The following ENPP1 variants were observed in gnomAD, a reference collection of about 807,000 sequenced individuals.
ENPP1 encodes the protein ectonucleotide pyrophosphatase/phosphodiesterase family member 1.
ENPP1 carries 73 observed loss-of-function variants against 122.8 expected under a neutral mutation model. The ratio of observed to expected loss-of-function variants is 0.59; its 90% CI spans 0.49 to 0.72. The LOEUF (loss-of-function observed/expected upper bound fraction) is 0.72. Among genes scored for constraint, ENPP1 ranks in the 30% least tolerant of loss-of-function variants. The probability of loss-of-function intolerance (pLI) is 0.00; values close to 1 mark genes in which losing one functional copy is unlikely to be tolerated. For synonymous variants in ENPP1, 367 were observed against 391.6 expected (o/e 0.94, Z 0.74); for missense variants, 978 against 1,128.1 (o/e 0.87, Z 1.91).
intron 13 of ENPP1, 119 bp downstream of exon 13, chr6:131,869,608 C>T (rs888359241): frequency 1.1e-6 from 1 of 948,188 alleles, no homozygotes; most frequent in Non-Finnish European, 1.7e-6. Flanking sequence ...GTGGGTGGAT[C>T]ACCTGAGGTC....
At chr6:131,881,611 C>T (rs1283877359) in intron 20 of ENPP1, among the ~76,000 whole-genome samples, 3 of 152,106 alleles carry the variant, frequency 2.0e-5, no homozygotes, top group African/African-American at 4.8e-5. Context: ...TTGACCAGCG[C>T]GGTGGCTCAC....
Position 131,808,286 on chromosome 6 carries a change from G to T in ENPP1, c.240+11G>T, listed in dbSNP as rs1355593518. On this transcript the variant is annotated intron_variant, in intron 1 of 24. Coordinates refer to ENST00000647893, the MANE Select transcript of ENPP1 (RefSeq NM_006208.3). ...AAAGTACTCTCGCTGGTAGGTCCGCGGCCAGGCCCCGGCGCCCGGGAGGGC... is the reference window on the plus strand; with the variant it reads ...AAAGTACTCTCGCTGGTAGGTCCGCTGCCAGGCCCCGGCGCCCGGGAGGGC... 1.3e-6 allele frequency: 2 copies of T among 1,487,966 alleles called. No homozygotes were observed. Among genetic ancestry groups the T allele is most frequent in the African/African-American group, 1.4e-5 (1 of 69,456 alleles). 92.2% of individuals were successfully genotyped at this position (1,487,966 alleles called of 1,614,324 possible).
In ENPP1 at chr6:131,891,672, G is replaced by A. The variant is rs1768052735; in HGVS notation, c.*1161G>A. On this transcript the variant is annotated 3_prime_UTR_variant, in exon 25 of 25. Coordinates refer to ENST00000647893, the MANE Select transcript of ENPP1 (RefSeq NM_006208.3). Reference sequence around the variant, plus strand: ...GTCCTTCGTGTGACCATTCTTCAACGGCCTAAGGGCCAGCTGCAAAGACTT... The same window carrying A: ...GTCCTTCGTGTGACCATTCTTCAACAGCCTAAGGGCCAGCTGCAAAGACTT... 6.6e-6 allele frequency: 1 copy of A among 151,694 alleles called. No homozygotes were observed. Among genetic ancestry groups the A allele is most frequent in the African/African-American group, 2.4e-5 (1 of 41,254 alleles). The allele number at this position is 151,694 out of a possible 1,614,324, so 9.4% of individuals were successfully genotyped here. A position where few individuals can be genotyped will look rare whatever the true frequency, so the allele number is the denominator to read the frequency against.
chr6:131,891,689 C>T lies in ENPP1; in HGVS notation c.*1178C>T, dbSNP rs1011555934. ...TCTTCAACGGCCTAAGGGCCAGCTG[C>T]AAAGACTTTTGGAAAATACAATTTA... On this transcript the variant is annotated 3_prime_UTR_variant, in exon 25 of 25. Transcript: ENST00000647893. 1 of 150,528 alleles carries T rather than the reference C, an allele frequency of 6.6e-6. No homozygotes were observed. The highest frequency in any genetic ancestry group is 1.5e-5 in the Non-Finnish European group (1 of 67,840). 9.3% of individuals were successfully genotyped at this position (150,528 alleles called of 1,614,324 possible).
chr6:131,842,121 G>C (rs1781747827), intron 1 of ENPP1, among the ~76,000 whole-genome samples: 1 of 152,162 alleles, frequency 6.6e-6, no homozygotes, highest in South Asian at 2.1e-4. Context: ...TCCTTGGCAA[G>C]TTACTAACCT....
chr6:131,814,017 G>T (rs1421292479), intron 1 of ENPP1, among the ~76,000 whole-genome samples: 1 of 152,172 alleles, frequency 6.6e-6, no homozygotes, highest in Non-Finnish European at 1.5e-5. Flanking sequence ...GCCAGGGAAG[G>T]TTAAAGCTTT....
At chr6:131,877,706 G>T (rs1292491492) in intron 18 of ENPP1, 8 of 151,848 alleles carry the variant, frequency 5.3e-5, no homozygotes, top group Non-Finnish European at 1.2e-4. Context: ...TAACATCCAT[G>T]AGGGCACCTG....
chr6:131,823,772 G>C (rs1781509772), intron 1 of ENPP1, among the ~76,000 whole-genome samples: 1 of 152,014 alleles, frequency 6.6e-6, no homozygotes, highest in South Asian at 2.1e-4. Flanking sequence ...CCAGACCCTG[G>C]AGCCAGAGTG....
chr6:131,852,113 C>A, intron 4 of ENPP1, 62 bp from the exon 5 acceptor site: 1 of 1,084,798 alleles, frequency 9.2e-7, no homozygotes, highest in Non-Finnish European at 1.4e-6. Flanking sequence ...ATGTGTCTCA[C>A]AAGCATCACA....
chr6:131,827,894 C>T (rs539398459), intron 1 of ENPP1: 61 of 1,391,372 alleles, frequency 4.4e-5, no homozygotes, highest in African/African-American at 1.1e-4. Flanking sequence ...ACTGACTGCT[C>T]GGCCACTGTT....
At chr6:131,865,602 C>T (rs1413003130) in intron 11 of ENPP1, among the ~76,000 whole-genome samples, 2 of 152,160 alleles carry the variant, frequency 1.3e-5, no homozygotes, top group Admixed American at 6.5e-5. Context: ...TCAGTTTTCA[C>T]GTGGCCATAT....
intron 1 of ENPP1, chr6:131,826,920 G>T (rs1585797115): frequency 2.5e-6 from 1 of 393,094 alleles, no homozygotes; most frequent in Admixed American, 3.6e-5. Context: ...CCCAGCATGG[G>T]ATTTTTCCCA....
chr6:131,834,546 T>TTC (rs397735705), intron 1 of ENPP1, among the ~76,000 whole-genome samples: 10 of 141,294 alleles, frequency 7.1e-5, no homozygotes, highest in Admixed American at 7.0e-4. Flanking sequence ...TTTTTTTTTT[T>TTC]CTGAGATGGA....
At chr6:131,828,310 A>G (rs1781571109) in intron 1 of ENPP1, 1 of 514,182 alleles carries the variant, frequency 1.9e-6, no homozygotes, top group Non-Finnish European at 3.8e-6. Flanking sequence ...TGTCCACATG[A>G]TCAGCATGAT....
intron 13 of ENPP1, 143 bp downstream of exon 13, chr6:131,869,632 C>T (rs970153648): frequency 1.4e-6 from 1 of 719,460 alleles, no homozygotes; most frequent in African/African-American, 1.8e-5. Context: ...AGTTCGAGAC[C>T]AGCCTGGCCA....
intron 20 of ENPP1, among the ~76,000 whole-genome samples, chr6:131,881,329 A>G (rs1439421921): frequency 6.6e-6 from 1 of 152,130 alleles, no homozygotes; most frequent in Non-Finnish European, 1.5e-5. Context: ...AAAATTTTTG[A>G]CTTTGTAATT....
intron 1 of ENPP1, among the ~76,000 whole-genome samples, chr6:131,833,543 T>A (rs569579303): frequency 2.6e-5 from 4 of 152,330 alleles, no homozygotes; most frequent in African/African-American, 9.6e-5. Flanking sequence ...TTTTCCATTA[T>A]CATTTTTGGA....
chr6:131,883,702 A>G lies in ENPP1; in HGVS notation c.2239A>G (p.Lys747Glu). 1 of 1,428,030 alleles carries G rather than the reference A, an allele frequency of 7.0e-7. No homozygotes were observed. The highest frequency in any genetic ancestry group is 1.4e-5 in the African/African-American group (1 of 71,286). 88.5% of individuals were successfully genotyped at this position (1,428,030 alleles called of 1,614,324 possible). A position where few individuals can be genotyped will look rare whatever the true frequency, so the allele number is the denominator to read the frequency against. The change falls in exon 22 of 25, where the codon AAA becomes GAA. Residue 747 changes from lysine (K) to glutamate (E), a missense_variant. Lys to Glu is a moderately conservative substitution (Grantham distance 56, BLOSUM62 1). This residue lies in a region of ENPP1 where 644 missense variants were observed against 781.5 expected (regional missense o/e 0.82). Transcript: ENST00000647893. ...YGFLSPPQLN[K>E]NSSGIYSEAL... ...CTCTTTTCTCTTTGTAGAACTAAAT[A>G]AAAATTCAAGTGGAATATATTCTGA...
In ENPP1 at chr6:131,890,811, A is replaced by C; in HGVS notation, c.*300A>C. 2.5e-6 allele frequency: 1 copy of C among 394,156 alleles called. No homozygotes were observed. The highest frequency in any genetic ancestry group is 4.7e-6 in the Non-Finnish European group (1 of 214,194). The allele number at this position is 394,156 out of a possible 1,614,324, so 24.4% of individuals were successfully genotyped here. A position where few individuals can be genotyped will look rare whatever the true frequency, so the allele number is the denominator to read the frequency against. Reference sequence around the variant, plus strand: ...TTCTCTTAAAGGAGAAGTAGCTGTGAACATTGTCTGGATACCAGATATTTG... The same window carrying C: ...TTCTCTTAAAGGAGAAGTAGCTGTGCACATTGTCTGGATACCAGATATTTG... On this transcript the variant is annotated 3_prime_UTR_variant, in exon 25 of 25. Coordinates refer to ENST00000647893, the MANE Select transcript of ENPP1 (RefSeq NM_006208.3).
Sources: gnomAD v4.1 joint callset for allele counts (sites outside exome capture counted in the v4.1 genomes callset) on GRCh38, gnomAD v4.1.1 for gene constraint, gnomAD v4.1.1 regional missense constraint, MANE v1.5 for transcripts, NCBI Gene and HGNC (gene_info 2026-07-23, HGNC 2026-07-21) for gene names.